The following UBE3B variants were observed in gnomAD, a reference collection of about 807,000 sequenced individuals.
UBE3B encodes the protein ubiquitin protein ligase E3B.
In UBE3B, 80 loss-of-function variants were observed where a neutral mutation model predicts 132.3. The observed-to-expected ratio is 0.60, with a 90% confidence interval of 0.50 to 0.73. UBE3B has a LOEUF of 0.73. Ranked by LOEUF, UBE3B falls within the 30% of genes least tolerant of loss-of-function variation. The pLI is 0.00. For synonymous variants in UBE3B, 487 were observed against 520.4 expected (o/e 0.94, Z 0.87); for missense variants, 1,196 against 1,362.5 (o/e 0.88, Z 1.92).
intron 23 of UBE3B, among the ~76,000 whole-genome samples, chr12:109,525,850 G>A (rs142691244): frequency 5.9e-5 from 9 of 152,260 alleles, no homozygotes; most frequent in Non-Finnish European, 1.2e-4. Flanking sequence ...AACGCAAGCT[G>A]CCCGTAATGC....
At chr12:109,504,410 G>T (rs1879389347) in intron 14 of UBE3B, among the ~76,000 whole-genome samples, 1 of 152,238 alleles carries the variant, frequency 6.6e-6, no homozygotes, top group South Asian at 2.1e-4. Context: ...TTGTTTTAGA[G>T]GTAGAAGATA....
rs114408087 is a variant in UBE3B at position 109,500,856 on chromosome 12, C to T, written c.1119-515C>T. On this transcript the variant is annotated intron_variant, in intron 12 of 27. Coordinates refer to ENST00000342494, the MANE Select transcript of UBE3B (RefSeq NM_130466.4). ...CGTACTCAGGGGTGGCGGCTATTAA[C>T]AATATGATGATCAATGTGGGAACCA... 3.7e-3 allele frequency among the ~76,000 whole-genome samples: 562 copies of T among 152,306 alleles called. 4 individuals carry two copies. The highest frequency in any genetic ancestry group is 0.013 in the African/African-American group (528 of 41,568).
In UBE3B at chr12:109,521,069, C is replaced by T; in HGVS notation, c.2077-79C>T. 25 of 1,523,194 alleles carry T rather than the reference C, an allele frequency of 1.6e-5. No individual in the cohort carries two copies. Among genetic ancestry groups the T allele is most frequent in the Non-Finnish European group, 2.1e-5 (24 of 1,116,292 alleles). The allele number at this position is 1,523,194 out of a possible 1,614,324, so 94.4% of individuals were successfully genotyped here. ...TTTGGTAATGATGCTGGGAGAGCTTCGCACAGAGGAGAGGGAACCCCGAAT... is the reference window on the plus strand; with the variant it reads ...TTTGGTAATGATGCTGGGAGAGCTTTGCACAGAGGAGAGGGAACCCCGAAT... On this transcript the variant is annotated intron_variant, in intron 19 of 27. Transcript: ENST00000342494. This position sits in a 1 kb window ranked among gnomAD's most constrained non-coding sequence, Gnocchi z 4.2.
intron 26 of UBE3B, among the ~76,000 whole-genome samples, chr12:109,531,735 C>T (rs1882961640): frequency 6.6e-6 from 1 of 152,086 alleles, no homozygotes. Flanking sequence ...AGACAGAATT[C>T]CAGAAGTTGA....
intron 23 of UBE3B, among the ~76,000 whole-genome samples, chr12:109,525,862 AGTG>A (rs1166722784): frequency 6.6e-6 from 1 of 152,244 alleles, no homozygotes; most frequent in Non-Finnish European, 1.5e-5. Context: ...CCGTAATGCC[AGTG>A]CCCACAGGGT....
At chr12:109,519,810 T>C (rs1881479042) in intron 19 of UBE3B, 1 of 152,244 alleles carries the variant, frequency 6.6e-6, no homozygotes, top group Non-Finnish European at 1.5e-5. Context: ...AAAACTGTGC[T>C]CCTGTTCCCA....
chr12:109,529,589 A>G (rs950259676), intron 24 of UBE3B, among the ~76,000 whole-genome samples: 5 of 152,240 alleles, frequency 3.3e-5, no homozygotes, highest in African/African-American at 1.2e-4. Context: ...TACGTGGGGA[A>G]TGTCTCCTTG....
rs1185633214 is a variant in UBE3B, at chr12:109,535,692, T to C, written c.*910T>C. The C allele has an allele frequency of 6.6e-6, 1 of 152,232 alleles. No individual in the cohort carries two copies. The highest frequency in any genetic ancestry group is 1.5e-5 in the Non-Finnish European group (1 of 68,048). The allele number at this position is 152,232 out of a possible 1,614,324, so 9.4% of individuals were successfully genotyped here. ...TAAGGTACACATCCCATCTGGGCGG[T>C]GGCTTCACTCCTGAGTCTGCAAAAT... On this transcript the variant is annotated 3_prime_UTR_variant, in exon 28 of 28. Transcript: ENST00000342494.
chr12:109,510,963 G>A (rs546237858), intron 17 of UBE3B, among the ~76,000 whole-genome samples: 1 of 152,308 alleles, frequency 6.6e-6, no homozygotes, highest in African/African-American at 2.4e-5. Context: ...TCTGTAAAGG[G>A]CCAGATGACT....
intron 1 of UBE3B, among the ~76,000 whole-genome samples, chr12:109,480,606 G>A (rs1164605133): frequency 6.6e-6 from 1 of 151,312 alleles, no homozygotes; most frequent in Non-Finnish European, 1.5e-5. Context: ...AACCATGATT[G>A]CACCACTGCA....
Position 109,484,502 on chromosome 12 carries a change from C to T in UBE3B, c.282+521C>T, listed in dbSNP as rs11066855. Among the ~76,000 whole-genome samples the T allele has an allele frequency of 1.5e-3, 223 of 152,202 alleles. 6 individuals are homozygous for T. In the East Asian group the frequency reaches 0.042, roughly 29 times the overall value. The stretch of plus-strand genomic sequence containing the variant: ...CACCTCCCGGGTTCAAGCAGTTCTC[C>T]GGCCTCAGCCTCCCTAGTATCTGGA... On this transcript the variant is annotated intron_variant, in intron 4 of 27. Transcript: ENST00000342494.
chr12:109,511,832 G>A (rs1411207129), intron 18 of UBE3B, among the ~76,000 whole-genome samples: 1 of 152,164 alleles, frequency 6.6e-6, no homozygotes, highest in Admixed American at 6.5e-5. Context: ...CATCTTGGCT[G>A]CAGCGTGGAG....
At chr12:109,516,685 T>A in intron 18 of UBE3B, 80 bp from the exon 19 acceptor site, 1 of 1,569,312 alleles carries the variant, frequency 6.4e-7, no homozygotes, top group Non-Finnish European at 8.6e-7. Context: ...AACTTCAGTT[T>A]CAGTCATTTT....
intron 8 of UBE3B, chr12:109,490,224 A>G: frequency 3.3e-6 from 3 of 899,764 alleles, no homozygotes; most frequent in South Asian, 1.5e-5. Context: ...AATGCTCTAC[A>G]TTTTTGGCTG....
At chr12:109,524,245 C>G (rs190906964) in intron 22 of UBE3B, 130 bp downstream of exon 22, 27 of 1,416,134 alleles carry the variant, frequency 1.9e-5, no homozygotes, top group African/African-American at 2.8e-5. Context: ...CTCACATCCC[C>G]CTGTGGGCAG....
At chr12:109,491,016 C>T (rs1566079419) in intron 8 of UBE3B, 29 bp from the exon 9 acceptor site, 2 of 1,606,526 alleles carry the variant, frequency 1.2e-6, no homozygotes, top group Non-Finnish European at 1.7e-6. Flanking sequence ...TTGATATCAT[C>T]CTCTGACCAA....
At chr12:109,524,391 C>T in intron 22 of UBE3B, 47 bp from the exon 23 acceptor site, 1 of 1,609,444 alleles carries the variant, frequency 6.2e-7, no homozygotes, top group Non-Finnish European at 8.5e-7. Flanking sequence ...CTCTTAAGCA[C>T]ATAGTGCTCC....
the UBE3B span, among the ~76,000 whole-genome samples, chr12:109,547,139 G>T: frequency 6.6e-6 from 1 of 152,208 alleles, no homozygotes; most frequent in Admixed American, 6.5e-5. The surrounding 1 kb of genome is among the most constrained non-coding windows in gnomAD (Gnocchi z 4.1). Context: ...TCCTCAAAAA[G>T]AAATTGAAGC....
intron 18 of UBE3B, among the ~76,000 whole-genome samples, chr12:109,514,920 T>C (rs1341403949): frequency 6.6e-6 from 1 of 151,658 alleles, no homozygotes; most frequent in Non-Finnish European, 1.5e-5. Flanking sequence ...TTCTTCTTTT[T>C]TTTTTTTTAT....
Sources: gnomAD v4.1 joint callset for allele counts (sites outside exome capture counted in the v4.1 genomes callset) on GRCh38, gnomAD v4.1.1 for gene constraint, Gnocchi (gnomAD v3.1) non-coding constraint, MANE v1.5 for transcripts, NCBI Gene and HGNC (gene_info 2026-07-23, HGNC 2026-07-21) for gene names.